RCAN1: variants seen among roughly 807,000 people sequenced by gnomAD.
RCAN1 encodes the protein calcipressin-1.
A neutral mutation model predicts 22.9 loss-of-function variants in RCAN1; 11 were observed. That is an observed-to-expected ratio of 0.48 (90% CI 0.30 to 0.79). The LOEUF (loss-of-function observed/expected upper bound fraction) is 0.79, where lower values mean the gene tolerates loss of function less well. Among genes scored for constraint, RCAN1 ranks in the 30% least tolerant of loss-of-function variants. The pLI, the probability that RCAN1 is intolerant of heterozygous loss-of-function variation, is 0.06. For synonymous variants in RCAN1, 136 were observed against 142.3 expected (o/e 0.96, Z 0.32); for missense variants, 291 against 337.8 (o/e 0.86, Z 1.09).
intron 1 of RCAN1, among the ~76,000 whole-genome samples, chr21:34,597,154 G>A (rs533298914): frequency 8.0e-4 from 122 of 152,202 alleles, no homozygotes; most frequent in African/African-American, 2.6e-3. Flanking sequence ...CGAGGAACCC[G>A]TGCAGCCCAG....
chr21:34,573,023 A>G (rs938987830), intron 1 of RCAN1, among the ~76,000 whole-genome samples: 20 of 152,214 alleles, frequency 1.3e-4, no homozygotes, highest in South Asian at 8.3e-4. Flanking sequence ...GGGGACACAG[A>G]GCCAAACCAT....
At chr21:34,560,033 C>T (rs1882630276) in intron 1 of RCAN1, 1 of 152,186 alleles carries the variant, frequency 6.6e-6, no homozygotes, top group Admixed American at 6.5e-5. Flanking sequence ...AGGCTCTGAA[C>T]TGAGAAAATG....
chr21:34,612,752 T>C (rs1451288559), intron 1 of RCAN1, among the ~76,000 whole-genome samples: 2 of 152,234 alleles, frequency 1.3e-5, no homozygotes, highest in Non-Finnish European at 2.9e-5. Context: ...CCCCTAGGTT[T>C]CCAGCCACGT....
intron 1 of RCAN1, among the ~76,000 whole-genome samples, chr21:34,567,696 CTAGT>C (rs1458188441): frequency 1.1e-4 from 17 of 152,282 alleles, no homozygotes; most frequent in Admixed American, 1.1e-3. Context: ...GAACTTCGGT[CTAGT>C]TACTGACTGG....
At chr21:34,570,874 T>C (rs571246577) in intron 1 of RCAN1, among the ~76,000 whole-genome samples, 2 of 152,284 alleles carry the variant, frequency 1.3e-5, no homozygotes, top group Non-Finnish European at 1.5e-5. Flanking sequence ...ATATATTTTT[T>C]AAAAAATTCT....
At chr21:34,527,151 G>A (rs570804081) in intron 1 of RCAN1, among the ~76,000 whole-genome samples, 1 of 152,230 alleles carries the variant, frequency 6.6e-6, no homozygotes, top group African/African-American at 2.4e-5. Flanking sequence ...CAGACAACAC[G>A]CTCCTCGGCC....
At chr21:34,587,585 C>T (rs924137473) in intron 1 of RCAN1, among the ~76,000 whole-genome samples, 1 of 152,132 alleles carries the variant, frequency 6.6e-6, no homozygotes, top group South Asian at 2.1e-4. Flanking sequence ...GAATACTGTA[C>T]TATAACCAAG....
chr21:34,521,461 C>T, intron 3 of RCAN1, 38 bp downstream of exon 3: 1 of 1,613,478 alleles, frequency 6.2e-7, no homozygotes, highest in Non-Finnish European at 8.5e-7. Context: ...GCAGCTGTGT[C>T]TCCCCCTGCC....
At chr21:34,536,640 C>T (rs917852985) in intron 1 of RCAN1, among the ~76,000 whole-genome samples, 3 of 150,944 alleles carry the variant, frequency 2.0e-5, no homozygotes, top group African/African-American at 4.9e-5. Context: ...GGGAGGCTGG[C>T]GCAGTGAGGG....
intron 1 of RCAN1, among the ~76,000 whole-genome samples, chr21:34,573,644 A>C (rs1987309771): frequency 6.6e-6 from 1 of 152,218 alleles, no homozygotes; most frequent in Non-Finnish European, 1.5e-5. Context: ...TAGCAAGGCC[A>C]AGTGACTCGA....
chr21:34,531,572 T>C lies in RCAN1; in HGVS notation c.253-7862A>G, dbSNP rs538259161. On this transcript the variant is annotated intron_variant, in intron 1 of 3. Coordinates refer to ENST00000313806, the MANE Select transcript of RCAN1 (RefSeq NM_004414.7). ...CAACATAATGTGCAAGTCTGACACATAAAAATCCCTGATGCTGACCAAGCT... is the reference window on the plus strand; with the variant it reads ...CAACATAATGTGCAAGTCTGACACACAAAAATCCCTGATGCTGACCAAGCT... Among the ~76,000 whole-genome samples, 5 of 152,288 alleles carry C rather than the reference T, an allele frequency of 3.3e-5. No homozygotes were observed. In the South Asian group the frequency reaches 8.3e-4, roughly 25 times the overall value.
At chr21:34,589,278 C>T (rs1335716926) in intron 1 of RCAN1, among the ~76,000 whole-genome samples, 3 of 152,152 alleles carry the variant, frequency 2.0e-5, no homozygotes, top group African/African-American at 7.2e-5. Flanking sequence ...AATTGTAGAT[C>T]CATTAAATGG....
chr21:34,572,911 C>A (rs1987281782), intron 1 of RCAN1, among the ~76,000 whole-genome samples: 1 of 152,156 alleles, frequency 6.6e-6, no homozygotes, highest in Non-Finnish European at 1.5e-5. Context: ...CTCAAAAGAA[C>A]TCATTATCAC....
chr21:34,540,846 G>A (rs913957297), intron 1 of RCAN1, among the ~76,000 whole-genome samples: 11 of 152,094 alleles, frequency 7.2e-5, no homozygotes, highest in African/African-American at 2.7e-4. Flanking sequence ...TTAGCTGGGC[G>A]GGGTGGCGGG....
chr21:34,523,910 G>A (rs1984808086), intron 1 of RCAN1, 200 bp from the exon 2 acceptor site: 2 of 410,344 alleles, frequency 4.9e-6, no homozygotes, highest in East Asian at 1.0e-4. Flanking sequence ...AGCCTCCCGA[G>A]TAGCTGGGGT....
chr21:34,614,321 G>A lies in RCAN1; in HGVS notation c.252+439C>T, dbSNP rs546574411. On this transcript the variant is annotated intron_variant, in intron 1 of 3. Coordinates refer to ENST00000313806, the MANE Select transcript of RCAN1 (RefSeq NM_004414.7). The surrounding 1 kb of genome is among the most constrained non-coding windows in gnomAD (Gnocchi z 6.0). Reference sequence around the variant, plus strand: ...TCCAATAGTGCAGATTGGGAATGCAGGGACGTCGTCCTATTTATGAACACT... The same window carrying A: ...TCCAATAGTGCAGATTGGGAATGCAAGGACGTCGTCCTATTTATGAACACT... 3.5e-5 allele frequency: 35 copies of A among 990,552 alleles called. No individual in the cohort carries two copies. The highest frequency in any genetic ancestry group is 1.0e-3 in the Middle Eastern group (2 of 1,934). The allele number at this position is 990,552 out of a possible 1,614,324, so 61.4% of individuals were successfully genotyped here.
intron 1 of RCAN1, among the ~76,000 whole-genome samples, chr21:34,536,198 TG>T (rs1400388021): frequency 6.6e-6 from 1 of 152,238 alleles, no homozygotes; most frequent in African/African-American, 2.4e-5. Context: ...CTTAATGACT[TG>T]GAGACCAGCA....
At chr21:34,541,705 T>C (rs182891537) in intron 1 of RCAN1, among the ~76,000 whole-genome samples, 1 of 152,172 alleles carries the variant, frequency 6.6e-6, no homozygotes, top group Admixed American at 6.5e-5. Flanking sequence ...GAGGCCGAGG[T>C]GGGTGGATCA....
chr21:34,519,323 C>T (rs1275774916), intron 3 of RCAN1, among the ~76,000 whole-genome samples: 1 of 151,946 alleles, frequency 6.6e-6, no homozygotes, highest in African/African-American at 2.4e-5. Context: ...GGTGTGGCCT[C>T]ATGGTCAGTT....
Sources: allele counts gnomAD v4.1 joint callset (sites outside exome capture counted in the v4.1 genomes callset), GRCh38; gene constraint gnomAD v4.1.1; non-coding constraint Gnocchi (gnomAD v3.1); transcripts MANE v1.5; gene names NCBI Gene and HGNC (gene_info 2026-07-23, HGNC 2026-07-21).